Variants in GLI3 observed in about 807,000 individuals in gnomAD.
GLI3 encodes the protein transcription activator GLI3.
GLI3 carries 20 observed loss-of-function variants against 100.8 expected under a neutral mutation model. The ratio of observed to expected loss-of-function variants is 0.20; its 90% CI spans 0.14 to 0.29. GLI3 has a LOEUF of 0.29. GLI3 is among the 10% of genes least tolerant of loss of function. The probability of loss-of-function intolerance (pLI) is 1.00; values close to 1 mark genes in which losing one functional copy is unlikely to be tolerated. For synonymous variants in GLI3, 938 were observed against 860.5 expected (o/e 1.09, Z -1.58); for missense variants, 2,040 against 2,128.5 (o/e 0.96, Z 0.82).
At chr7:42,091,729 A>G (rs981888673) in intron 3 of GLI3, among the ~76,000 whole-genome samples, 10 of 152,220 alleles carry the variant, frequency 6.6e-5, no homozygotes, top group Admixed American at 6.5e-4. Flanking sequence ...AAAGCCCCAG[A>G]CTGGGCTGCA....
At chr7:42,244,873 A>G (rs1481495446) in intron 1 of GLI3, among the ~76,000 whole-genome samples, 5 of 152,184 alleles carry the variant, frequency 3.3e-5, no homozygotes, top group Non-Finnish European at 7.4e-5. Context: ...CTCAAGCCCA[A>G]AGAGAAGGCT....
chr7:42,065,816 T>C (rs985586105), intron 4 of GLI3, among the ~76,000 whole-genome samples: 4 of 152,184 alleles, frequency 2.6e-5, no homozygotes, highest in Admixed American at 2.6e-4. Flanking sequence ...AATAGCCTTA[T>C]TCACACTGAA....
chr7:42,151,027 C>A (rs920304750), intron 2 of GLI3, among the ~76,000 whole-genome samples: 1 of 152,056 alleles, frequency 6.6e-6, no homozygotes, highest in African/African-American at 2.4e-5. Context: ...CAAGAAGTAA[C>A]CGAAGTGCAC....
intron 2 of GLI3, among the ~76,000 whole-genome samples, chr7:42,191,332 G>T (rs182393910): frequency 3.9e-5 from 6 of 151,952 alleles, no homozygotes; most frequent in Non-Finnish European, 7.4e-5. Flanking sequence ...AATAATAGCC[G>T]GCCGTGGTGG....
chr7:42,112,787 G>A (rs190611946), intron 3 of GLI3, among the ~76,000 whole-genome samples: 4 of 149,758 alleles, frequency 2.7e-5, no homozygotes, highest in East Asian at 1.9e-4. Context: ...CCCCACTGTA[G>A]AGGTGCATAT....
intron 5 of GLI3, among the ~76,000 whole-genome samples, chr7:42,047,039 C>T (rs1032688163): frequency 6.6e-6 from 1 of 152,092 alleles, no homozygotes; most frequent in Non-Finnish European, 1.5e-5. Flanking sequence ...ACCAGTGGTC[C>T]CAGCTACTTA....
Position 41,977,601 on chromosome 7 carries a change from G to A in GLI3, c.1769C>T (p.Ala590Val). The A allele has an allele frequency of 6.2e-7, 1 of 1,614,188 alleles. No homozygotes were observed. The highest frequency in any genetic ancestry group is 8.5e-7 in the Non-Finnish European group (1 of 1,180,018). The change falls in exon 12 of 15, where the codon GCC (alanine) becomes GTC (valine). Residue 590 changes from alanine (A) to valine (V), a missense_variant. By Grantham distance (64) the Ala-to-Val change is moderately conservative. This residue lies in a region of GLI3 where 61 missense variants were observed against 150.9 expected (regional missense o/e 0.40). Coordinates refer to ENST00000395925, the MANE Select transcript of GLI3 (RefSeq NM_000168.6). ...GTTTTGGTGTTTGGCGCGATCAGAG[G>A]CATTTGAGAAAGCCTTGTTGCAACC... Reference protein sequence around the residue: ...HEGCNKAFSNASDRAKHQNRT... With the variant: ...HEGCNKAFSNVSDRAKHQNRT...
chr7:42,006,998 A>C (rs766625198), intron 10 of GLI3, among the ~76,000 whole-genome samples: 65 of 152,154 alleles, frequency 4.3e-4, no homozygotes, highest in Non-Finnish European at 7.5e-4. Flanking sequence ...GCTGGGTTCC[A>C]CAGGCAGCAG....
Position 42,138,764 on chromosome 7 carries a change from A to T in GLI3, c.367+9462T>A, listed in dbSNP as rs143467060. On this transcript the variant is annotated intron_variant, in intron 3 of 14. Coordinates refer to ENST00000395925, the MANE Select transcript of GLI3 (RefSeq NM_000168.6). Reference sequence around the variant, plus strand: ...TGTCTAAATTACCTAGGAAACAGGCACCTCCTTTTACTCCACTCACAAGAC... The same window carrying T: ...TGTCTAAATTACCTAGGAAACAGGCTCCTCCTTTTACTCCACTCACAAGAC... 6.0e-3 allele frequency among the ~76,000 whole-genome samples: 920 copies of T among 152,246 alleles called. 9 individuals carry two copies. The highest frequency in any genetic ancestry group is 0.021 in the African/African-American group (869 of 41,534).
At chr7:41,989,752 G>A (rs1045329722) in intron 10 of GLI3, among the ~76,000 whole-genome samples, 4 of 151,908 alleles carry the variant, frequency 2.6e-5, no homozygotes, top group African/African-American at 9.7e-5. Context: ...CTTATTTTGG[G>A]CTGGGTGCAG....
chr7:41,970,066 C>T (rs1417118462), intron 13 of GLI3, among the ~76,000 whole-genome samples: 2 of 151,782 alleles, frequency 1.3e-5, no homozygotes, highest in Non-Finnish European at 2.9e-5. Context: ...ATCACAAAAC[C>T]ACAAAAACTA....
intron 4 of GLI3, among the ~76,000 whole-genome samples, chr7:42,063,090 T>C (rs187258507): frequency 6.6e-6 from 1 of 152,266 alleles, no homozygotes; most frequent in Admixed American, 6.5e-5. Context: ...GCCTCCTTTA[T>C]AAACTGTTCC....
Position 41,964,737 on chromosome 7 carries a change from G to C in GLI3, c.4336C>G (p.Gln1446Glu). The change falls in exon 15 of 15, where the codon CAA becomes GAA. Residue 1446 changes from glutamine to glutamate, a missense_variant. Gln to Glu is a conservative substitution (Grantham distance 29, BLOSUM62 2). This residue lies in a region of GLI3 where 1,041 missense variants were observed against 924.0 expected (regional missense o/e 1.13). Coordinates refer to ENST00000395925, the MANE Select transcript of GLI3 (RefSeq NM_000168.6). ...LQNYSGQFYD[Q>E]TVGFSQQDTK... ...TCTTGCTGACTGAAGCCCACGGTTT[G>C]GTCATAGAACTGACCAGAGTAATTC... is the stretch of plus-strand genomic sequence containing the variant. The C allele has an allele frequency of 1.2e-6, 2 of 1,614,066 alleles. No individual in the cohort carries two copies. The highest frequency in any genetic ancestry group is 1.7e-6 in the Non-Finnish European group (2 of 1,179,912).
chr7:41,966,027 G>A lies in GLI3; in HGVS notation c.3046C>T (p.Leu1016=). The change falls in exon 15 of 15, where the codon CTG becomes TTG. Residue 1016 remains leucine, a synonymous_variant. Coordinates refer to ENST00000395925, the MANE Select transcript of GLI3 (RefSeq NM_000168.6). The surrounding 1 kb of genome is among the most constrained non-coding windows in gnomAD (Gnocchi z 5.8). ...SDPVRTGSEG[L]ALPRVPRFSS... is the part of the protein sequence containing the mutation. ...AAGCGCGGCACACGAGGCAGGGCCA[G>A]GCCCTCGGAGCCTGTCCGCACCGGG... 1 of 1,593,830 alleles carries A rather than the reference G, an allele frequency of 6.3e-7. No individual in the cohort carries two copies. Among genetic ancestry groups the A allele is most frequent in the South Asian group, 1.1e-5 (1 of 90,156 alleles).
In GLI3 at chr7:42,023,588, G is replaced by A; in HGVS notation, c.1377C>T (p.Thr459=). ...RGQQEQPEGT[T]LVKEEGDKDE... is the part of the protein sequence containing the mutation. ...CTTTGTCCCCTTCCTCCTTGACAAGGGTTGTTCCTTCGGGCTGTTCCTGAA... is the reference window on the plus strand; with the variant it reads ...CTTTGTCCCCTTCCTCCTTGACAAGAGTTGTTCCTTCGGGCTGTTCCTGAA... The change falls in exon 10 of 15, where the codon ACC becomes ACT. Residue 459 remains threonine, a synonymous_variant. Transcript: ENST00000395925. 2 of 1,613,490 alleles carry A rather than the reference G, an allele frequency of 1.2e-6. No homozygotes were observed. Among genetic ancestry groups the A allele is most frequent in the Non-Finnish European group, 1.7e-6 (2 of 1,179,626 alleles).
chr7:42,026,759 TC>T (rs1789128376), intron 7 of GLI3, among the ~76,000 whole-genome samples: 1 of 152,228 alleles, frequency 6.6e-6, no homozygotes, highest in Non-Finnish European at 1.5e-5. Context: ...GGCTCTTAGT[TC>T]CGTATGTTCC....
At chr7:42,222,960 A>G (rs1331039401) in intron 2 of GLI3, 170 bp downstream of exon 2, 2 of 739,352 alleles carry the variant, frequency 2.7e-6, no homozygotes, top group Non-Finnish European at 4.7e-6. Context: ...CAAAATAGAG[A>G]TTACTACATT....
At chr7:42,234,319 C>T (rs899717061) in intron 1 of GLI3, among the ~76,000 whole-genome samples, 3 of 152,096 alleles carry the variant, frequency 2.0e-5, no homozygotes, top group African/African-American at 7.2e-5. Flanking sequence ...AAGCAGGATA[C>T]CTTACATAGG....
chr7:42,077,433 G>C (rs1435640282), intron 3 of GLI3, among the ~76,000 whole-genome samples: 2 of 148,862 alleles, frequency 1.3e-5, no homozygotes, highest in African/African-American at 5.0e-5. Flanking sequence ...GGCCTCCATA[G>C]TCCCCACACA....
Sources: allele counts gnomAD v4.1 joint callset (sites outside exome capture counted in the v4.1 genomes callset), GRCh38; gene constraint gnomAD v4.1.1; regional missense constraint gnomAD v4.1.1; non-coding constraint Gnocchi (gnomAD v3.1); transcripts MANE v1.5; gene names NCBI Gene and HGNC (gene_info 2026-07-23, HGNC 2026-07-21).